The following FMN1 variants were observed in gnomAD, a reference collection of about 807,000 sequenced individuals.
The protein encoded by FMN1 is formin 1, also known as formin-1.
Under a neutral mutation model 132.4 loss-of-function variants are expected in FMN1, and 110 were observed. That is an observed-to-expected ratio of 0.83 (90% CI 0.71 to 0.97). The LOEUF (loss-of-function observed/expected upper bound fraction) is 0.97, where lower values mean the gene tolerates loss of function less well. FMN1 is among the 50% of genes least tolerant of loss of function. The probability of loss-of-function intolerance (pLI) is 0.00; values close to 1 mark genes in which losing one functional copy is unlikely to be tolerated. For missense variants in FMN1, 1,792 were observed against 1,705.3 expected (o/e 1.05, Z -0.90); for synonymous variants, 722 against 651.7 (o/e 1.11, Z -1.64).
intron 7 of FMN1, among the ~76,000 whole-genome samples, chr15:32,976,349 T>C (rs1046144545): frequency 6.6e-6 from 1 of 152,182 alleles, no homozygotes; most frequent in Non-Finnish European, 1.5e-5. Context: ...ATTCAGTTCT[T>C]ACAGAATGCT....
chr15:33,062,750 T>C (rs1307333886), intron 6 of FMN1: 7 of 152,216 alleles, frequency 4.6e-5, no homozygotes, highest in Non-Finnish European at 1.0e-4. Context: ...TGAAATAGAA[T>C]CATAGAAAGT....
intron 6 of FMN1, chr15:33,063,611 A>T (rs1184489889): frequency 1.3e-5 from 2 of 152,206 alleles, no homozygotes; most frequent in Non-Finnish European, 2.9e-5. Flanking sequence ...TCATTGATAC[A>T]GTCATATATG....
intron 3 of FMN1, among the ~76,000 whole-genome samples, chr15:33,162,411 C>A (rs1428670462): frequency 6.6e-6 from 1 of 150,474 alleles, no homozygotes. Context: ...TATCAAAGAA[C>A]AAATCAGAGG....
chr15:32,968,450 T>C (rs1216316079), intron 8 of FMN1, among the ~76,000 whole-genome samples: 1 of 152,194 alleles, frequency 6.6e-6, no homozygotes, highest in Non-Finnish European at 1.5e-5. Flanking sequence ...TCTTGTCTAG[T>C]CTGTAAAATG....
chr15:32,974,666 G>A (rs766556028), intron 7 of FMN1, among the ~76,000 whole-genome samples: 2 of 152,168 alleles, frequency 1.3e-5, no homozygotes, highest in Non-Finnish European at 2.9e-5. Flanking sequence ...TGTCTTTAAA[G>A]CACTGCAAGA....
At chr15:33,025,483 A>T (rs1320429071) in intron 6 of FMN1, among the ~76,000 whole-genome samples, 1 of 152,216 alleles carries the variant, frequency 6.6e-6, no homozygotes, top group Non-Finnish European at 1.5e-5. Context: ...CAGGCCATGC[A>T]AAAGTAATGC....
chr15:33,089,014 C>A, intron 4 of FMN1, 40 bp from the exon 5 acceptor site: 1 of 1,481,358 alleles, frequency 6.8e-7, no homozygotes, highest in South Asian at 1.3e-5. Context: ...ACATGGCAGC[C>A]AAATAAATAA....
At chr15:33,088,713 T>G in intron 5 of FMN1, 86 bp downstream of exon 5, 1 of 1,180,926 alleles carries the variant, frequency 8.5e-7, no homozygotes, top group Non-Finnish European at 1.1e-6. Flanking sequence ...TGCAGCTTTA[T>G]ATACACAATT....
intron 7 of FMN1, among the ~76,000 whole-genome samples, chr15:32,976,267 A>T (rs1596380596): frequency 6.6e-6 from 1 of 151,990 alleles, no homozygotes. Context: ...TCACCTCTGA[A>T]AAGTGCAGCG....
chr15:33,111,770 T>C (rs1042200177), intron 4 of FMN1, among the ~76,000 whole-genome samples: 3 of 151,990 alleles, frequency 2.0e-5, no homozygotes, highest in African/African-American at 7.3e-5. Flanking sequence ...AGCTCAGTGA[T>C]AACTTGGGCT....
intron 5 of FMN1, chr15:33,068,052 C>T (rs2037830034): frequency 3.5e-6 from 5 of 1,427,994 alleles, no homozygotes; most frequent in East Asian, 2.5e-5. Flanking sequence ...GGTCACAGTG[C>T]CCTCCTTCCG....
chr15:32,931,300 T>C (rs1400077430), intron 9 of FMN1, among the ~76,000 whole-genome samples: 3 of 152,204 alleles, frequency 2.0e-5, no homozygotes, highest in Non-Finnish European at 4.4e-5. Context: ...CATTCAATAA[T>C]ATTAATTCTT....
At chr15:33,158,007 A>AG (rs917958631) in intron 3 of FMN1, among the ~76,000 whole-genome samples, 2 of 150,098 alleles carry the variant, frequency 1.3e-5, no homozygotes, top group African/African-American at 2.5e-5. Context: ...AAAAAAAAAA[A>AG]AAAGAAAAAG....
At chr15:33,007,975 G>C (rs2034505414) in intron 7 of FMN1, 39 bp downstream of exon 7, 1 of 1,537,998 alleles carries the variant, frequency 6.5e-7, no homozygotes, top group Non-Finnish European at 8.9e-7. Flanking sequence ...CCAAGTATCA[G>C]TTCTATAGAA....
At chr15:32,848,924 T>G (rs2058926349) in intron 17 of FMN1, among the ~76,000 whole-genome samples, 1 of 150,936 alleles carries the variant, frequency 6.6e-6, no homozygotes, top group South Asian at 2.1e-4. Context: ...GCAACCTGTA[T>G]GGGTGTTATG....
At chr15:33,029,364 G>A (rs1033453707) in intron 6 of FMN1, among the ~76,000 whole-genome samples, 2 of 152,050 alleles carry the variant, frequency 1.3e-5, no homozygotes, top group African/African-American at 2.4e-5. Context: ...TTTTAAATGA[G>A]GTCAAATGCT....
intron 6 of FMN1, among the ~76,000 whole-genome samples, chr15:33,016,855 A>T (rs573068004): frequency 6.6e-6 from 1 of 152,328 alleles, no homozygotes; most frequent in East Asian, 1.9e-4. Context: ...TGCCCGCAGA[A>T]GCCATAGCCC....
At chr15:32,777,538 A>ATTTATATATTACGTACAACATATAACAC (rs2056470797) in intron 19 of FMN1, among the ~76,000 whole-genome samples, 2 of 81,446 alleles carry the variant, frequency 2.5e-5, no homozygotes, top group Non-Finnish European at 5.1e-5. Context: ...ATAACATAAC[A>ATTTATATATTACGTACAACATATAACAC]TTTATATATT....
At chr15:32,952,079 C>T (rs1015047231) in intron 9 of FMN1, among the ~76,000 whole-genome samples, 3 of 152,196 alleles carry the variant, frequency 2.0e-5, no homozygotes, top group East Asian at 1.9e-4. Context: ...TTTCCATGCA[C>T]CTTCAGCCTC....
Sources: gnomAD v4.1 joint callset for allele counts (sites outside exome capture counted in the v4.1 genomes callset) on GRCh38, gnomAD v4.1.1 for gene constraint, MANE v1.5 for transcripts, NCBI Gene and HGNC (gene_info 2026-07-23, HGNC 2026-07-21) for gene names.